Variants in TRIM5 observed in about 807,000 individuals in gnomAD.
The protein encoded by TRIM5 is tripartite motif-containing protein 5.
TRIM5 carries 31 observed loss-of-function variants against 35.6 expected under a neutral mutation model. The ratio of observed to expected loss-of-function variants is 0.87; its 90% confidence interval spans 0.65 to 1.18. The LOEUF (loss-of-function observed/expected upper bound fraction) is 1.18. TRIM5 is among the 50% of genes most tolerant of loss of function. The pLI is 0.00. For synonymous variants in TRIM5, 243 were observed against 215.6 expected (o/e 1.13, Z -1.11); for missense variants, 609 against 591.6 (o/e 1.03, Z -0.31).
the TRIM5 span, among the ~76,000 whole-genome samples, chr11:5,645,195 T>C: frequency 0.45 from 68,260 of 151,498 alleles, 16,006 homozygotes; most frequent in Non-Finnish European, 0.49. Context: ...AGTTCAAGAC[T>C]GGCCTGGCCA....
the TRIM5 span, chr11:5,604,462 C>T: frequency 8.6e-6 from 13 of 1,506,522 alleles, no homozygotes; most frequent in Non-Finnish European, 1.2e-5. Flanking sequence ...ATCTCTGTCC[C>T]ATTCATTCTA....
the TRIM5 span, among the ~76,000 whole-genome samples, chr11:5,602,564 G>A: frequency 1.3e-5 from 2 of 151,812 alleles, no homozygotes; most frequent in African/African-American, 4.8e-5. Context: ...CAGAGTAAAG[G>A]GTCATCTTTA....
chr11:5,591,424 A>C, the TRIM5 span, among the ~76,000 whole-genome samples: 41 of 152,234 alleles, frequency 2.7e-4, no homozygotes, highest in East Asian at 7.0e-3. Flanking sequence ...CGAGGCGGGC[A>C]GATCACCTGA....
At chr11:5,642,840 T>TG in the TRIM5 span, 1 of 1,614,014 alleles carries the variant, frequency 6.2e-7, no homozygotes. Flanking sequence ...CCGGTGCTAC[T>TG]GGGGTAAGAA....
chr11:5,599,636 C>T, the TRIM5 span, among the ~76,000 whole-genome samples: 16 of 152,170 alleles, frequency 1.1e-4, no homozygotes, highest in Non-Finnish European at 1.9e-4. Context: ...ATCTCCTGAC[C>T]TTGTGATCCG....
the TRIM5 span, among the ~76,000 whole-genome samples, chr11:5,606,990 T>TTA: frequency 6.6e-5 from 10 of 151,324 alleles, no homozygotes; most frequent in South Asian, 2.1e-4. Context: ...GATCATGAGG[T>TTA]CAGGAGATTG....
At chr11:5,643,374 G>A in the TRIM5 span, 3 of 1,614,106 alleles carry the variant, frequency 1.9e-6, no homozygotes, top group South Asian at 3.3e-5. Context: ...GAAGTATGTT[G>A]TTAGAAGATG....
At chr11:5,604,537 A>G in the TRIM5 span, 4 of 1,609,618 alleles carry the variant, frequency 2.5e-6, no homozygotes, top group Non-Finnish European at 3.4e-6. Flanking sequence ...CTTCAAGGAG[A>G]AGTTTCAGGA....
At chr11:5,599,462 G>A in the TRIM5 span, among the ~76,000 whole-genome samples, 1 of 151,920 alleles carries the variant, frequency 6.6e-6, no homozygotes, top group East Asian at 1.9e-4. Context: ...GGAGTGCAGT[G>A]GCACGATCTC....
chr11:5,656,340 G>C, the TRIM5 span, among the ~76,000 whole-genome samples: 1 of 148,040 alleles, frequency 6.8e-6, no homozygotes, highest in Non-Finnish European at 1.5e-5. Context: ...AGTGAGCGAA[G>C]GATATGAACA....
chr11:5,683,628 C>T (rs958412917), intron 1 of TRIM5, among the ~76,000 whole-genome samples: 16 of 152,126 alleles, frequency 1.1e-4, no homozygotes, highest in Non-Finnish European at 2.1e-4. Context: ...GTGAATGCAC[C>T]AATCGACACT....
chr11:5,665,947 T>A, intron 6 of TRIM5, 34 bp downstream of exon 6: 1 of 1,579,190 alleles, frequency 6.3e-7, no homozygotes, highest in Non-Finnish European at 8.6e-7. Flanking sequence ...CCACTTGAAT[T>A]CCATAACCCT....
At chr11:5,677,256 A>G (rs1167963972) in intron 4 of TRIM5, among the ~76,000 whole-genome samples, 1 of 152,110 alleles carries the variant, frequency 6.6e-6, no homozygotes, top group South Asian at 2.1e-4. Flanking sequence ...CAAATTTACA[A>G]GAAAAAAACA....
At position 5,665,121 on chromosome 11, in the gene TRIM5, AT is replaced by A. The variant is rs2134017715; in HGVS notation, c.1169del (p.Asn390MetfsTer13). ...QPDAMCNIEK[N>X]ENYQPKYGYW... ...AGCCGTATTTAGGTTGATAATTTTC[AT>A]TTTTTTCAATATTACACATTGCATC... On this transcript the variant is annotated frameshift_variant, in exon 8 of 8. Coordinates refer to ENST00000380034, the MANE Select transcript of TRIM5 (RefSeq NM_033034.3). LOFTEE classifies it low-confidence loss of function (END_TRUNC). 1 of 1,613,846 alleles carries A rather than the reference AT, an allele frequency of 6.2e-7. No homozygotes were observed. Among genetic ancestry groups the A allele is most frequent in the Non-Finnish European group, 8.5e-7 (1 of 1,179,978 alleles).
At position 5,675,150 on chromosome 11, in the gene TRIM5, T is replaced by C. The variant is rs1310199037; in HGVS notation, c.744+3054A>G. On this transcript the variant is annotated intron_variant, in intron 4 of 7. Transcript: ENST00000380034. The stretch of plus-strand genomic sequence containing the variant: ...TTCACACTATTCTCCTGCCTCAGCC[T>C]CCCAAGTAGCTGGGATTACAGGTGC... Among the ~76,000 whole-genome samples the C allele has an allele frequency of 2.6e-5, 4 of 151,818 alleles. No individual in the cohort carries two copies. The South Asian group carries it at 8.3e-4, about 31-fold the overall frequency.
chr11:5,594,125 T>A, the TRIM5 span, among the ~76,000 whole-genome samples: 1 of 152,208 alleles, frequency 6.6e-6, no homozygotes. Context: ...ATGTGGTAAA[T>A]TTATATCTAA....
the TRIM5 span, chr11:5,634,607 ACTCT>A: frequency 6.3e-7 from 1 of 1,598,424 alleles, no homozygotes; most frequent in South Asian, 1.1e-5. Context: ...ACTTACTACA[ACTCT>A]CTCTTGTCCA....
At chr11:5,684,835 C>A (rs1852891279) in intron 1 of TRIM5, 33 bp downstream of exon 1, 1 of 152,260 alleles carries the variant, frequency 6.6e-6, no homozygotes, top group East Asian at 1.9e-4. Context: ...TTTTCCCCAC[C>A]CCCGCACAGC....
At chr11:5,657,184 C>T in the TRIM5 span, among the ~76,000 whole-genome samples, 20,923 of 151,910 alleles carry the variant, frequency 0.14, 1,930 homozygotes, top group East Asian at 0.42. Context: ...AGCTGGAAAC[C>T]ATCATTCTCA....
Sources: allele counts gnomAD v4.1 joint callset (sites outside exome capture counted in the v4.1 genomes callset), GRCh38; gene constraint gnomAD v4.1.1; transcripts MANE v1.5; gene names NCBI Gene and HGNC (gene_info 2026-07-23, HGNC 2026-07-21).